The following PTPRD variants were observed in gnomAD, a reference collection of about 807,000 sequenced individuals.
The protein encoded by PTPRD is receptor-type tyrosine-protein phosphatase delta.
PTPRD carries 34 observed loss-of-function variants against 214.5 expected under a neutral mutation model. The observed-to-expected ratio is 0.16, with a 90% CI of 0.12 to 0.21. PTPRD has a LOEUF of 0.21. Among genes scored for constraint, PTPRD ranks in the 10% least tolerant of loss-of-function variants. The pLI is 1.00. For missense variants in PTPRD, 2,545 were observed against 2,398.7 expected (o/e 1.06, Z -1.27); for synonymous variants, 1,128 against 845.7 (o/e 1.33, Z -5.79).
chr9:10,336,949 T>C (rs1248514537), intron 3 of PTPRD, among the ~76,000 whole-genome samples: 1 of 151,598 alleles, frequency 6.6e-6, no homozygotes, highest in Non-Finnish European at 1.5e-5. Context: ...CCCAGGAAAT[T>C]CTGAATGGAG....
chr9:8,485,796 G>T lies in PTPRD; in HGVS notation c.3021C>A (p.Pro1007=), dbSNP rs1271595545. The T allele has an allele frequency of 6.2e-7, 1 of 1,613,586 alleles. No individual in the cohort carries two copies. The highest frequency in any genetic ancestry group is 8.5e-7 in the Non-Finnish European group (1 of 1,179,970). Residue 1007 remains proline, a synonymous_variant, in exon 28 of 46, where the codon CCC becomes CCA. Coordinates refer to ENST00000381196, the MANE Select transcript of PTPRD (RefSeq NM_002839.4). ...HTSKGPGPYS[P]SVQFRTLPVD... is the part of the protein sequence containing the mutation. Reference sequence around the variant, plus strand: ...CAGGCAGTGTCCTGAACTGGACACTGGGACTATATGGCCCGGGCCCTTTGC... The same window carrying T: ...CAGGCAGTGTCCTGAACTGGACACTTGGACTATATGGCCCGGGCCCTTTGC...
Position 8,436,626 on chromosome 9 carries a change from G to A in PTPRD, c.4052C>T (p.Ala1351Val). Reference sequence around the variant, plus strand: ...CTGGGAAAACTTCAAGTTGTCATTTGCTTTCAATCTTTCAATGTGGTCTGC... The same window carrying A: ...CTGGGAAAACTTCAAGTTGTCATTTACTTTCAATCTTTCAATGTGGTCTGC... The part of the protein sequence containing the change: ...ELADHIERLK[A>V]NDNLKFSQEY... Residue 1351 changes from alanine to valine, a missense_variant, in exon 35 of 46, where the codon GCA becomes GTA. Coordinates refer to ENST00000381196, the MANE Select transcript of PTPRD (RefSeq NM_002839.4). 2 of 1,613,442 alleles carry A rather than the reference G, an allele frequency of 1.2e-6. No homozygotes were observed. Among genetic ancestry groups the A allele is most frequent in the South Asian group, 2.2e-5 (2 of 91,070 alleles).
Position 8,316,002 on chromosome 9 carries a change from A to T in PTPRD, c.*1872T>A, listed in dbSNP as rs1821502186. ...CCTAATGGAATATCAAATATATTCC[A>T]AAGTTGCCAATGATATTTGTTACTA... On this transcript the variant is annotated 3_prime_UTR_variant, in exon 46 of 46. Transcript: ENST00000381196. 1 of 227,992 alleles carries T rather than the reference A, an allele frequency of 4.4e-6. No individual in the cohort carries two copies. Among genetic ancestry groups the T allele is most frequent in the Non-Finnish European group, 8.7e-6 (1 of 114,634 alleles). The allele number at this position is 227,992 out of a possible 1,614,324, so 14.1% of individuals were successfully genotyped here. A position where few individuals can be genotyped will look rare whatever the true frequency, so the allele number is the denominator to read the frequency against.
intron 5 of PTPRD, among the ~76,000 whole-genome samples, chr9:9,800,050 T>A (rs1399541197): frequency 6.6e-6 from 1 of 152,130 alleles, no homozygotes; most frequent in African/African-American, 2.4e-5. Context: ...AAAATAATAA[T>A]AAAATATTGA....
chr9:9,520,636 G>C (rs1033897766), intron 8 of PTPRD, among the ~76,000 whole-genome samples: 1 of 152,144 alleles, frequency 6.6e-6, no homozygotes, highest in South Asian at 2.1e-4. Flanking sequence ...CAGTTATCGA[G>C]ATATAAATTA....
intron 11 of PTPRD, among the ~76,000 whole-genome samples, chr9:8,744,353 T>G (rs903301530): frequency 6.6e-6 from 1 of 152,186 alleles, no homozygotes; most frequent in Non-Finnish European, 1.5e-5. Context: ...CACACGCATG[T>G]ATACAGCAGC....
intron 12 of PTPRD, among the ~76,000 whole-genome samples, chr9:8,710,489 G>A (rs1339268568): frequency 1.3e-5 from 2 of 152,036 alleles, no homozygotes; most frequent in Non-Finnish European, 2.9e-5. Flanking sequence ...GGTGGCAGGC[G>A]CCTATACTCC....
chr9:9,440,284 AT>A (rs2144294393), intron 8 of PTPRD, among the ~76,000 whole-genome samples: 1 of 152,182 alleles, frequency 6.6e-6, no homozygotes, highest in East Asian at 1.9e-4. Flanking sequence ...AATTTACTGT[AT>A]TTTATTTTTA....
chr9:9,563,264 T>C (rs1185944900), intron 8 of PTPRD, among the ~76,000 whole-genome samples: 1 of 152,096 alleles, frequency 6.6e-6, no homozygotes, highest in Non-Finnish European at 1.5e-5. Context: ...ATGGCTTAGG[T>C]GCGCTGTGCA....
intron 2 of PTPRD, among the ~76,000 whole-genome samples, chr9:10,425,329 T>C (rs984887466): frequency 6.6e-6 from 1 of 152,024 alleles, no homozygotes; most frequent in South Asian, 2.1e-4. Flanking sequence ...TTACAACACA[T>C]TAAACCAATA....
At chr9:9,284,339 C>T (rs938817435) in intron 9 of PTPRD, among the ~76,000 whole-genome samples, 2 of 151,566 alleles carry the variant, frequency 1.3e-5, no homozygotes, top group African/African-American at 4.8e-5. Context: ...ACCTTTTGAT[C>T]CTAAAGTGAT....
chr9:9,078,305 G>T (rs1400632781), intron 10 of PTPRD, among the ~76,000 whole-genome samples: 1 of 152,052 alleles, frequency 6.6e-6, no homozygotes, highest in African/African-American at 2.4e-5. Flanking sequence ...TCTGAGTTCT[G>T]CTGAAAAATC....
chr9:9,097,067 T>C (rs1389424246), intron 10 of PTPRD, among the ~76,000 whole-genome samples: 1 of 152,210 alleles, frequency 6.6e-6, no homozygotes, highest in Admixed American at 6.5e-5. Context: ...TTCACTCTTC[T>C]CTTGAAACAT....
At chr9:10,548,528 G>A (rs1391910448) in intron 2 of PTPRD, among the ~76,000 whole-genome samples, 2 of 152,164 alleles carry the variant, frequency 1.3e-5, no homozygotes, top group Non-Finnish European at 2.9e-5. Flanking sequence ...GCCTGGAAAA[G>A]TGAAACATCT....
chr9:10,575,974 T>C (rs1339922245), intron 2 of PTPRD, among the ~76,000 whole-genome samples: 1 of 152,096 alleles, frequency 6.6e-6, no homozygotes, highest in Non-Finnish European at 1.5e-5. Context: ...TTTCAAATGA[T>C]CAGATTAGGA....
intron 5 of PTPRD, among the ~76,000 whole-genome samples, chr9:9,911,568 A>T (rs542886422): frequency 6.6e-6 from 1 of 152,140 alleles, no homozygotes; most frequent in Admixed American, 6.6e-5. Flanking sequence ...TCATTTTAAT[A>T]AAGTTAACAT....
At chr9:9,545,432 A>G (rs923536605) in intron 8 of PTPRD, among the ~76,000 whole-genome samples, 8 of 151,848 alleles carry the variant, frequency 5.3e-5, no homozygotes, top group African/African-American at 1.9e-4. Context: ...CTCTTTTCAC[A>G]TAGTAATATG....
chr9:10,340,053 T>G (rs1282005876), intron 3 of PTPRD, among the ~76,000 whole-genome samples: 1 of 151,830 alleles, frequency 6.6e-6, no homozygotes, highest in African/African-American at 2.4e-5. Flanking sequence ...TGATTTTATA[T>G]AACTCCACAT....
chr9:9,474,307 G>C (rs1258194655), intron 8 of PTPRD, among the ~76,000 whole-genome samples: 2 of 151,906 alleles, frequency 1.3e-5, no homozygotes, highest in Non-Finnish European at 1.5e-5. Flanking sequence ...TTTTCCATTG[G>C]TCTATTTTTC....
Sources: allele counts gnomAD v4.1 joint callset (sites outside exome capture counted in the v4.1 genomes callset), GRCh38; gene constraint gnomAD v4.1.1; transcripts MANE v1.5; gene names NCBI Gene and HGNC (gene_info 2026-07-23, HGNC 2026-07-21).